Variants in PTPRD observed in about 807,000 individuals in gnomAD.
PTPRD encodes the protein protein tyrosine phosphatase receptor type D, also known as receptor-type tyrosine-protein phosphatase delta.
PTPRD carries 34 observed loss-of-function variants against 214.5 expected under a neutral mutation model. The ratio of observed to expected loss-of-function variants is 0.16; its 90% CI spans 0.12 to 0.21. The LOEUF (loss-of-function observed/expected upper bound fraction) is 0.21, where lower values mean the gene tolerates loss of function less well. PTPRD is among the 10% of genes least tolerant of loss of function. PTPRD has a pLI of 1.00. For missense variants in PTPRD, 2,545 were observed against 2,398.7 expected (o/e 1.06, Z -1.27); for synonymous variants, 1,128 against 845.7 (o/e 1.33, Z -5.79).
chr9:10,572,020 G>T (rs904762219), intron 2 of PTPRD, among the ~76,000 whole-genome samples: 1 of 152,066 alleles, frequency 6.6e-6, no homozygotes, highest in Non-Finnish European at 1.5e-5. Flanking sequence ...GAAATACTGT[G>T]CATGCTTCCT....
At chr9:10,606,438 A>AT (rs772057611) in intron 2 of PTPRD, among the ~76,000 whole-genome samples, 11 of 151,506 alleles carry the variant, frequency 7.3e-5, no homozygotes, top group Admixed American at 1.3e-4. Flanking sequence ...TTATGTGAGT[A>AT]TTTTTCCTAA....
intron 3 of PTPRD, among the ~76,000 whole-genome samples, chr9:10,143,856 G>A (rs538665064): frequency 1.6e-4 from 24 of 152,132 alleles, no homozygotes; most frequent in African/African-American, 5.5e-4. Flanking sequence ...TAATCGTTGA[G>A]TACACATGAA....
At chr9:10,274,531 TA>T (rs774975683) in intron 3 of PTPRD, among the ~76,000 whole-genome samples, 1 of 152,174 alleles carries the variant, frequency 6.6e-6, no homozygotes, top group Non-Finnish European at 1.5e-5. Context: ...AGAAGACAAG[TA>T]TGGCTTTGGC....
At chr9:9,857,780 A>T (rs1343173011) in intron 5 of PTPRD, among the ~76,000 whole-genome samples, 1 of 152,228 alleles carries the variant, frequency 6.6e-6, no homozygotes, top group East Asian at 1.9e-4. Context: ...ACAGATATTT[A>T]TTAAGAAGCT....
At chr9:9,528,197 C>T (rs1226371450) in intron 8 of PTPRD, among the ~76,000 whole-genome samples, 1 of 152,068 alleles carries the variant, frequency 6.6e-6, no homozygotes, top group African/African-American at 2.4e-5. Flanking sequence ...AGGGACTCTA[C>T]CAAGCCTTTC....
At chr9:9,798,956 C>G (rs962598312) in intron 5 of PTPRD, among the ~76,000 whole-genome samples, 1 of 152,060 alleles carries the variant, frequency 6.6e-6, no homozygotes, top group Non-Finnish European at 1.5e-5. Flanking sequence ...ATGCTTTGTT[C>G]TCAAAAATAT....
intron 5 of PTPRD, among the ~76,000 whole-genome samples, chr9:9,801,151 G>A (rs1026893683): frequency 5.3e-5 from 8 of 152,006 alleles, no homozygotes; most frequent in African/African-American, 1.9e-4. Context: ...TAACAACTTT[G>A]ATTTTAGAGG....
chr9:10,239,773 G>C (rs2099641153), intron 3 of PTPRD, among the ~76,000 whole-genome samples: 1 of 151,790 alleles, frequency 6.6e-6, no homozygotes, highest in African/African-American at 2.4e-5. Flanking sequence ...CAATCTGAAG[G>C]CCTAAGAAGC....
At chr9:9,837,379 C>T (rs2057073136) in intron 5 of PTPRD, among the ~76,000 whole-genome samples, 2 of 152,082 alleles carry the variant, frequency 1.3e-5, no homozygotes, top group African/African-American at 4.8e-5. Flanking sequence ...TATTGCATGG[C>T]TAATGTTCTA....
intron 7 of PTPRD, among the ~76,000 whole-genome samples, chr9:9,587,583 G>A (rs986783431): frequency 6.6e-6 from 1 of 151,966 alleles, no homozygotes; most frequent in African/African-American, 2.4e-5. Context: ...ATACTACAGT[G>A]CTTCTCAAAC....
At chr9:9,605,923 G>A (rs751823663) in intron 7 of PTPRD, among the ~76,000 whole-genome samples, 11 of 152,008 alleles carry the variant, frequency 7.2e-5, no homozygotes, top group Non-Finnish European at 1.5e-4. Flanking sequence ...AAACTAAGCT[G>A]CTGCTTGACT....
intron 10 of PTPRD, among the ~76,000 whole-genome samples, chr9:9,023,144 T>C (rs79512246): frequency 0.038 from 5,820 of 152,192 alleles, 118 homozygotes; most frequent in East Asian, 0.068. Context: ...CACAAATGCT[T>C]TGTACAGTGT....
intron 11 of PTPRD, among the ~76,000 whole-genome samples, chr9:8,765,043 A>G (rs7874851): frequency 0.054 from 8,249 of 152,162 alleles, 565 homozygotes; most frequent in African/African-American, 0.16. Context: ...CAGTTGTGTG[A>G]TTATGATAAA....
intron 2 of PTPRD, among the ~76,000 whole-genome samples, chr9:10,580,340 T>C (rs1340764430): frequency 6.6e-6 from 1 of 152,202 alleles, no homozygotes; most frequent in Non-Finnish European, 1.5e-5. Context: ...CTTGGGAATG[T>C]GATTTGATTT....
chr9:9,381,278 C>T (rs1006500414), intron 9 of PTPRD, among the ~76,000 whole-genome samples: 2 of 151,662 alleles, frequency 1.3e-5, no homozygotes, highest in Admixed American at 1.3e-4. Context: ...TTGTGTCCTT[C>T]ACTCTTTTAC....
chr9:9,949,663 T>C (rs1453697146), intron 4 of PTPRD, among the ~76,000 whole-genome samples: 1 of 152,084 alleles, frequency 6.6e-6, no homozygotes. Context: ...ACACTTTCAT[T>C]GGAAACTCTG....
Position 9,035,149 on chromosome 9 carries a change from C to G in PTPRD, c.-142-16414G>C, listed in dbSNP as rs72692883. Reference sequence around the variant, plus strand: ...TAGAGTCTGGCACATGGTGTGTGGTCCTCTGCTCAGTGAACACTTTTGCAT... The same window carrying G: ...TAGAGTCTGGCACATGGTGTGTGGTGCTCTGCTCAGTGAACACTTTTGCAT... On this transcript the variant is annotated intron_variant, in intron 10 of 45. Coordinates refer to ENST00000381196, the MANE Select transcript of PTPRD (RefSeq NM_002839.4). 3.6e-3 allele frequency among the ~76,000 whole-genome samples: 543 copies of G among 152,042 alleles called. 2 individuals carry two copies. The highest frequency in any genetic ancestry group is 6.0e-3 in the Non-Finnish European group (405 of 67,972).
intron 3 of PTPRD, among the ~76,000 whole-genome samples, chr9:10,180,369 A>G (rs1456495142): frequency 8.6e-5 from 13 of 151,926 alleles, no homozygotes. Flanking sequence ...CCCTTTCATC[A>G]CTGACCTCCT....
intron 3 of PTPRD, among the ~76,000 whole-genome samples, chr9:10,242,579 A>G (rs1194297697): frequency 6.7e-6 from 1 of 149,744 alleles, no homozygotes; most frequent in Non-Finnish European, 1.5e-5. Flanking sequence ...ATGTTGCTTT[A>G]CTTGAGTGTT....
Sources: allele counts gnomAD v4.1 joint callset (sites outside exome capture counted in the v4.1 genomes callset), GRCh38; gene constraint gnomAD v4.1.1; transcripts MANE v1.5; gene names NCBI Gene and HGNC (gene_info 2026-07-23, HGNC 2026-07-21).